SHD: variants seen among roughly 807,000 people sequenced by gnomAD.
SHD encodes the protein SH2 domain-containing adapter protein D.
A neutral mutation model predicts 31.2 loss-of-function variants in SHD; 29 were observed. The observed-to-expected ratio is 0.93, with a 90% CI of 0.69 to 1.27. SHD has a LOEUF of 1.27. SHD is among the 50% of genes most tolerant of loss of function. The pLI is 0.00. For synonymous variants in SHD, 208 were observed against 187.8 expected, an observed-to-expected ratio of 1.11 and a Z score of -0.88; for missense variants, 520 against 453.8, an observed-to-expected ratio of 1.15 and a Z score of -1.33.
intron 4 of SHD, among the ~76,000 whole-genome samples, chr19:4,286,398 G>A (rs1971319359): frequency 6.7e-6 from 1 of 149,416 alleles, no homozygotes; most frequent in Non-Finnish European, 1.5e-5. Context: ...CCAGGCTGAA[G>A]TGCAGTGGCA....
chr19:4,285,913 C>CTTTTTTTT (rs1971305006), intron 4 of SHD, among the ~76,000 whole-genome samples: 1 of 41,642 alleles, frequency 2.4e-5, no homozygotes, highest in Non-Finnish European at 4.5e-5. Flanking sequence ...TTTTTTTTGA[C>CTTTTTTTT]AGAGCCTCGC....
intron 1 of SHD, among the ~76,000 whole-genome samples, chr19:4,281,537 C>T (rs995481482): frequency 3.3e-5 from 5 of 150,010 alleles, no homozygotes; most frequent in African/African-American, 1.2e-4. Flanking sequence ...GCAGGTGGAT[C>T]ACCTGAGGTC....
Position 4,279,812 on chromosome 19 carries a change from G to C in SHD, c.-252G>C. 3.9e-6 allele frequency: 2 copies of C among 508,342 alleles called. No individual in the cohort carries two copies. Among genetic ancestry groups the C allele is most frequent in the South Asian group, 6.0e-5 (2 of 33,360 alleles). The allele number at this position is 508,342 out of a possible 1,614,324, so 31.5% of individuals were successfully genotyped here. A position where few individuals can be genotyped will look rare whatever the true frequency, so the allele number is the denominator to read the frequency against. On this transcript the variant is annotated 5_prime_UTR_variant, in exon 1 of 6. Transcript: ENST00000543264. This position sits in a 1 kb window ranked among gnomAD's most constrained non-coding sequence, Gnocchi z 7.5. ...CCTGCGAGGTCCCCCCTTCCCCCGCGGTGCTTCCCAAGCTGGGCTAAGGCG... is the reference window on the plus strand; with the variant it reads ...CCTGCGAGGTCCCCCCTTCCCCCGCCGTGCTTCCCAAGCTGGGCTAAGGCG...
Position 4,280,144 on chromosome 19 carries a change from G to C in SHD, c.81G>C (p.Glu27Asp), listed in dbSNP as rs768870794. 10 of 1,613,966 alleles carry C rather than the reference G, an allele frequency of 6.2e-6. No individual in the cohort carries two copies. In the South Asian group the frequency reaches 9.9e-5, roughly 16 times the overall value. Reference sequence around the variant, plus strand: ...AGCCGCCCACCCCGGACTACACCGAGAGCGACATCCTGAGGGCCTACCGCG... The same window carrying C: ...AGCCGCCCACCCCGGACTACACCGACAGCGACATCCTGAGGGCCTACCGCG... ...PPQPPTPDYTESDILRAYRAQ... is the reference protein window; with the variant it reads ...PPQPPTPDYTDSDILRAYRAQ... The change falls in exon 1 of 6, where the codon GAG (glutamate) becomes GAC (aspartate). Residue 27 changes from glutamate (E) to aspartate (D), a missense_variant. Physicochemically the swap from Glu to Asp is conservative, Grantham distance 45 (BLOSUM62 2). Coordinates refer to ENST00000543264, the MANE Select transcript of SHD (RefSeq NM_020209.4).
In SHD at chr19:4,284,812, T is replaced by G. The variant is rs1647204263; in HGVS notation, c.624T>G (p.Thr208=). The G allele has an allele frequency of 2.5e-6, 4 of 1,612,600 alleles. No homozygotes were observed. The highest frequency in any genetic ancestry group is 3.3e-4 in the Middle Eastern group (2 of 6,080). ...TTGACAGTCCAGAGTGGGAGAGGAC[T>G]CCAGGCTCAGCCAAGGAGCTCCGGA... The part of the protein sequence containing the change: ...VQFDSPEWER[T]PGSAKELRRP... The change falls in exon 4 of 6, where the codon ACT becomes ACG. Residue 208 remains threonine, a synonymous_variant. Coordinates refer to ENST00000543264, the MANE Select transcript of SHD (RefSeq NM_020209.4).
intron 1 of SHD, among the ~76,000 whole-genome samples, chr19:4,280,823 G>A (rs999182553): frequency 2.0e-5 from 3 of 152,058 alleles, no homozygotes; most frequent in South Asian, 4.2e-4. Context: ...CACTGCGCCC[G>A]GTGGATATCT....
intron 3 of SHD, 71 bp from the exon 4 acceptor site, chr19:4,284,710 T>C (rs559882674): frequency 7.3e-7 from 1 of 1,378,146 alleles, no homozygotes; most frequent in African/African-American, 1.5e-5. Flanking sequence ...CGAGATTCCA[T>C]TGGCTTGCCC....
rs368273049 is a variant in SHD at position 4,280,228 on chromosome 19, G to A, written c.165G>A (p.Pro55=). Reference sequence around the variant, plus strand: ...AGGACGCGGAGAGCCGCTTGGAGCCGGACCCCGCGGGCCCTGGGGACTCCA... The same window carrying A: ...AGGACGCGGAGAGCCGCTTGGAGCCAGACCCCGCGGGCCCTGGGGACTCCA... ...PYEDAESRLE[P]DPAGPGDSKN... is the part of the protein sequence containing the mutation. Residue 55 remains proline (P), a synonymous_variant, in exon 1 of 6, where the codon CCG becomes CCA. Coordinates refer to ENST00000543264, the MANE Select transcript of SHD (RefSeq NM_020209.4). The A allele has an allele frequency of 4.3e-6, 7 of 1,613,708 alleles. No homozygotes were observed. In the African/African-American group the frequency reaches 9.3e-5, roughly 22 times the overall value.
Position 4,281,448 on chromosome 19 carries a change from CAAAAAAA to C in SHD, c.297+1109_297+1115del, listed in dbSNP as rs56171246. Among the ~76,000 whole-genome samples the C allele has an allele frequency of 3.5e-3, 175 of 49,684 alleles. 1 individual carries two copies. The highest frequency in any genetic ancestry group is 5.0e-3 in the African/African-American group (56 of 11,160). 32.6% of individuals were successfully genotyped at this position (49,684 alleles called of 152,430 possible). The stretch of plus-strand genomic sequence containing the variant: ...TGGGTGACAGAGCAACACCCTGTCT[CAAAAAAA>C]AAAAAAAAAAAAAAAAAAAAGGCTG... On this transcript the variant is annotated intron_variant, in intron 1 of 5. Transcript: ENST00000543264.
In SHD at chr19:4,284,806, G is replaced by A. The variant is rs757660852; in HGVS notation, c.618G>A (p.Glu206=). ...TGCAGTTTGACAGTCCAGAGTGGGA[G>A]AGGACTCCAGGCTCAGCCAAGGAGC... ...FAVQFDSPEW[E]RTPGSAKELR... Residue 206 remains glutamate (E), a synonymous_variant, in exon 4 of 6, where the codon GAG becomes GAA. Transcript: ENST00000543264. The A allele has an allele frequency of 1.9e-6, 3 of 1,612,340 alleles. No homozygotes were observed. Among genetic ancestry groups the A allele is most frequent in the East Asian group, 4.5e-5 (2 of 44,730 alleles).
intron 4 of SHD, among the ~76,000 whole-genome samples, chr19:4,286,797 T>C (rs964843360): frequency 1.3e-5 from 2 of 151,142 alleles, no homozygotes; most frequent in African/African-American, 2.4e-5. Context: ...GGAGAATCTC[T>C]TGAACCTGCG....
chr19:4,290,559 A>G lies in SHD; in HGVS notation c.949A>G (p.Ser317Gly), dbSNP rs756722499. 3.7e-6 allele frequency: 6 copies of G among 1,613,528 alleles called. No individual in the cohort carries two copies. Among genetic ancestry groups the G allele is most frequent in the African/African-American group, 2.7e-5 (2 of 74,888 alleles). The change falls in exon 6 of 6, where the codon AGT becomes GGT. Residue 317 changes from serine (S) to glycine (G), a missense_variant. By Grantham distance (56) the Ser-to-Gly change is moderately conservative (BLOSUM62 0). Transcript: ENST00000543264. ...CGTGCCCGAGCTCGTCCTCCACTAC[A>G]GTTCACGCCCACTGCCGGTGCAGGG... Reference protein sequence around the residue: ...PSVPELVLHYSSRPLPVQGAE... With the variant: ...PSVPELVLHYGSRPLPVQGAE...
intron 5 of SHD, among the ~76,000 whole-genome samples, chr19:4,288,964 C>A (rs1386416501): frequency 6.6e-6 from 1 of 151,994 alleles, no homozygotes; most frequent in Non-Finnish European, 1.5e-5. Context: ...GGTGAAACCC[C>A]TTCTCTCCTA....
intron 5 of SHD, among the ~76,000 whole-genome samples, chr19:4,289,724 C>A (rs1168106510): frequency 6.6e-6 from 1 of 151,352 alleles, no homozygotes; most frequent in Non-Finnish European, 1.5e-5. Context: ...GCGCCCACCA[C>A]CACACCCAGC....
chr19:4,284,515 C>T (rs1971288238), intron 3 of SHD: 2 of 293,836 alleles, frequency 6.8e-6, no homozygotes. Flanking sequence ...TAGGGCTCCT[C>T]TTTGGAAACT....
intron 4 of SHD, 77 bp downstream of exon 4, chr19:4,284,981 T>G (rs1357382079): frequency 7.3e-7 from 1 of 1,378,380 alleles, no homozygotes; most frequent in Non-Finnish European, 9.4e-7. Flanking sequence ...AGAAGTTTTT[T>G]CGTTTCCCAG....
chr19:4,279,564 G>T lies in SHD; in HGVS notation c.-500G>T, dbSNP rs1599510175. On this transcript the variant is annotated 5_prime_UTR_variant, in exon 1 of 6. Transcript: ENST00000543264. The surrounding 1 kb of genome is among the most constrained non-coding windows in gnomAD (Gnocchi z 7.5). ...CGCGCGGCGCCCGCGCCCCTGGGGAGCCCGCCCGCTGCGCTGAGAACCCAG... is the reference window on the plus strand; with the variant it reads ...CGCGCGGCGCCCGCGCCCCTGGGGATCCCGCCCGCTGCGCTGAGAACCCAG... 6.5e-6 allele frequency: 1 copy of T among 152,834 alleles called. No homozygotes were observed. Among genetic ancestry groups the T allele is most frequent in the Non-Finnish European group, 1.5e-5 (1 of 68,556 alleles). The allele number at this position is 152,834 out of a possible 1,614,324, so 9.5% of individuals were successfully genotyped here.
intron 4 of SHD, among the ~76,000 whole-genome samples, chr19:4,286,254 T>C (rs1568369389): frequency 4.9e-5 from 6 of 121,358 alleles, no homozygotes; most frequent in Admixed American, 1.8e-4. Context: ...TTTCTTTCTT[T>C]CTTTCTCTCT....
chr19:4,280,462 C>G, intron 1 of SHD, 102 bp downstream of exon 1: 1 of 1,316,334 alleles, frequency 7.6e-7, no homozygotes, highest in East Asian at 2.5e-5. Flanking sequence ...CAGGAGGGGA[C>G]TGGGGCACCA....
Sources: gnomAD v4.1 joint callset for allele counts (sites outside exome capture counted in the v4.1 genomes callset) on GRCh38, gnomAD v4.1.1 for gene constraint, Gnocchi (gnomAD v3.1) non-coding constraint, MANE v1.5 for transcripts, NCBI Gene and HGNC (gene_info 2026-07-23, HGNC 2026-07-21) for gene names.